GNAO1: variants seen among roughly 807,000 people sequenced by gnomAD.
The protein encoded by GNAO1 is guanine nucleotide-binding protein G(o) subunit alpha.
For missense variants in GNAO1, 166 were observed against 478.7 expected (o/e 0.35, Z 6.10); for synonymous variants, 164 against 180.7 (o/e 0.91, Z 0.74).
intron 4 of GNAO1, chr16:56,329,049 C>T: frequency 2.2e-6 from 1 of 463,082 alleles, no homozygotes; most frequent in Non-Finnish European, 3.9e-6. Flanking sequence ...AGGGCCGGGA[C>T]CTTGTCACTG....
At chr16:56,256,712 CTCTCTCTGTGTGTGTGTGTG>C (rs1473190269) in intron 2 of GNAO1, among the ~76,000 whole-genome samples, 56 of 116,018 alleles carry the variant, frequency 4.8e-4, no homozygotes, top group East Asian at 1.9e-3. Flanking sequence ...CTCTCTCTCT[CTCTCTCTGTGTGTGTGTGTG>C]TGTGTGTGTG....
intron 2 of GNAO1, among the ~76,000 whole-genome samples, chr16:56,230,941 G>A (rs1473722451): frequency 6.6e-6 from 1 of 152,198 alleles, no homozygotes; most frequent in East Asian, 1.9e-4. Flanking sequence ...CAACCTCTCA[G>A]CCCGGGTCTG....
intron 6 of GNAO1, chr16:56,345,236 C>T (rs1005572648): frequency 1.2e-5 from 12 of 985,412 alleles, no homozygotes; most frequent in Admixed American, 6.1e-5. Context: ...CTGAGGCCAA[C>T]GCCCACACCC....
chr16:56,333,779 C>A (rs1330284370), intron 4 of GNAO1, among the ~76,000 whole-genome samples: 3 of 152,256 alleles, frequency 2.0e-5, no homozygotes. Context: ...AGCCTGGGAC[C>A]CCACATCGTT....
chr16:56,340,208 GA>G (rs2037787078), intron 6 of GNAO1: 1 of 151,918 alleles, frequency 6.6e-6, no homozygotes, highest in African/African-American at 2.4e-5. Flanking sequence ...CCTCTACTGA[GA>G]AACCAGCCCC....
intron 6 of GNAO1, among the ~76,000 whole-genome samples, chr16:56,339,394 C>T (rs2037776665): frequency 6.6e-6 from 1 of 152,252 alleles, no homozygotes; most frequent in Non-Finnish European, 1.5e-5. Context: ...TGAATAGCTC[C>T]TGTGGCTACA....
In GNAO1 at chr16:56,340,698, TGGTGGTCTCCGTCCC is replaced by T. The variant is rs1426154624; in HGVS notation, c.723+3845_723+3859del. ...CTTGTGGGTCCTCCCGTCTCCGTCCTGGTGGTCTCCGTCCCGGTGGTGCATCCAGCCACATTGGTG... is the reference window on the plus strand; with the variant it reads ...CTTGTGGGTCCTCCCGTCTCCGTCCTGGTGGTGCATCCAGCCACATTGGTG... On this transcript the variant is annotated intron_variant, in intron 6 of 8. Coordinates refer to ENST00000262493, the MANE Select transcript of GNAO1 (RefSeq NM_020988.3). The T allele has an allele frequency of 8.0e-6, 6 of 746,080 alleles. No homozygotes were observed. In the African/African-American group the frequency reaches 8.7e-5, roughly 11 times the overall value. The allele number at this position is 746,080 out of a possible 1,614,324, so 46.2% of individuals were successfully genotyped here.
chr16:56,257,781 A>G (rs894409636), intron 2 of GNAO1, among the ~76,000 whole-genome samples: 2 of 152,240 alleles, frequency 1.3e-5, no homozygotes, highest in Non-Finnish European at 2.9e-5. Context: ...TGATGCCATT[A>G]ACTGACTCTG....
At chr16:56,300,008 C>CGTGTGT (rs71381116) in intron 3 of GNAO1, among the ~76,000 whole-genome samples, 4,616 of 129,604 alleles carry the variant, frequency 0.036, 94 homozygotes, top group Non-Finnish European at 0.042. Context: ...GATTGGGGTT[C>CGTGTGT]GTGTGTGTGT....
intron 2 of GNAO1, among the ~76,000 whole-genome samples, chr16:56,226,737 G>A (rs1326776045): frequency 6.6e-6 from 1 of 152,194 alleles, no homozygotes; most frequent in Non-Finnish European, 1.5e-5. Context: ...CAATAACTAT[G>A]AGTTTGGTGG....
At chr16:56,340,840 A>C (rs1299928666) in intron 6 of GNAO1, 1 of 1,613,610 alleles carries the variant, frequency 6.2e-7, no homozygotes. Context: ...GCAGAACCGC[A>C]TGCACGAATC....
chr16:56,300,036 T>TGTGTGTGC (rs753591618), intron 3 of GNAO1, among the ~76,000 whole-genome samples: 13 of 95,110 alleles, frequency 1.4e-4, no homozygotes, highest in African/African-American at 5.7e-4. Flanking sequence ...TGTGTGTGTG[T>TGTGTGTGC]GCGCGCGCGC....
intron 3 of GNAO1, among the ~76,000 whole-genome samples, chr16:56,315,738 C>T (rs2037502328): frequency 6.6e-6 from 1 of 152,074 alleles, no homozygotes; most frequent in African/African-American, 2.4e-5. Context: ...GGACAGGCTT[C>T]TGTTGCTAAT....
At chr16:56,267,537 C>T (rs557528773) in intron 2 of GNAO1, among the ~76,000 whole-genome samples, 1 of 152,320 alleles carries the variant, frequency 6.6e-6, no homozygotes, top group African/African-American at 2.4e-5. Flanking sequence ...GGCACCGGTG[C>T]TGTTCTCTTG....
At chr16:56,296,017 A>G (rs1248884413) in intron 3 of GNAO1, among the ~76,000 whole-genome samples, 1 of 152,260 alleles carries the variant, frequency 6.6e-6, no homozygotes, top group African/African-American at 2.4e-5. Flanking sequence ...GAGACAGGCC[A>G]TTCCTTGGCC....
At chr16:56,197,430 G>T (rs1257907963) in intron 2 of GNAO1, among the ~76,000 whole-genome samples, 1 of 152,198 alleles carries the variant, frequency 6.6e-6, no homozygotes, top group Non-Finnish European at 1.5e-5. Flanking sequence ...GATGGATGGT[G>T]CTCTCTCCCT....
chr16:56,217,730 G>A (rs1409261883), intron 2 of GNAO1, among the ~76,000 whole-genome samples: 1 of 152,202 alleles, frequency 6.6e-6, no homozygotes, highest in African/African-American at 2.4e-5. Context: ...ACTAAAACTA[G>A]AGAGGTTAAG....
At chr16:56,261,135 G>A (rs2036899980) in intron 2 of GNAO1, among the ~76,000 whole-genome samples, 1 of 152,202 alleles carries the variant, frequency 6.6e-6, no homozygotes, top group Admixed American at 6.5e-5. Flanking sequence ...CCCTGGAGAG[G>A]AATGTGCATT....
chr16:56,275,655 C>G (rs2037055126), intron 2 of GNAO1, among the ~76,000 whole-genome samples: 1 of 152,190 alleles, frequency 6.6e-6, no homozygotes, highest in African/African-American at 2.4e-5. Flanking sequence ...CCTTCCTGTT[C>G]TAAGTACTTT....
Sources: allele counts gnomAD v4.1 joint callset (sites outside exome capture counted in the v4.1 genomes callset), GRCh38; gene constraint gnomAD v4.1.1; transcripts MANE v1.5; gene names NCBI Gene and HGNC (gene_info 2026-07-23, HGNC 2026-07-21).